The following TENM1 variants were observed in gnomAD, a reference collection of about 807,000 sequenced individuals.
TENM1 encodes teneurin transmembrane protein 1, also known as teneurin-1.
TENM1 carries 35 observed loss-of-function variants against 174.8 expected under a neutral mutation model. The ratio of observed to expected loss-of-function variants is 0.20; its 90% confidence interval spans 0.15 to 0.27. The LOEUF (loss-of-function observed/expected upper bound fraction) is 0.27. Ranked by LOEUF, TENM1 falls within the 10% of genes least tolerant of loss-of-function variation. TENM1 has a pLI of 1.00. For missense variants in TENM1, 1,633 were observed against 2,130.1 expected, an observed-to-expected ratio of 0.77 and a Z score of 4.59; for synonymous variants, 781 against 798.7, an observed-to-expected ratio of 0.98 and a Z score of 0.37.
chrX:124,887,299 A>G (rs747367038), intron 3 of TENM1, among the ~76,000 whole-genome samples: 8 of 111,370 alleles, frequency 7.2e-5, no homozygotes, highest in African/African-American at 2.6e-4. Flanking sequence ...GATTTGTACT[A>G]CAAATATGGG....
chrX:124,961,026 A>G (rs1455993107), intron 1 of TENM1, among the ~76,000 whole-genome samples: 2 of 112,167 alleles, frequency 1.8e-5, no homozygotes, highest in Non-Finnish European at 3.8e-5. Context: ...AGTTAACATC[A>G]CAAATATTTA....
At chrX:124,403,156 C>CA (rs1314027758) in intron 27 of TENM1, among the ~76,000 whole-genome samples, 1 of 110,239 alleles carries the variant, frequency 9.1e-6, no homozygotes, top group Non-Finnish European at 1.9e-5. Context: ...AAAACCCAAA[C>CA]AAAACCAAAC....
Position 124,616,110 on chromosome X carries a change from G to A in TENM1, c.2077+25681C>T, listed in dbSNP as rs142984706. ...AAATGTTGCCTGCATGGCGCTACCAGCTCAGTTATTATATTGGATATCTGA... is the reference window on the plus strand; with the variant it reads ...AAATGTTGCCTGCATGGCGCTACCAACTCAGTTATTATATTGGATATCTGA... On this transcript the variant is annotated intron_variant, in intron 11 of 31. Coordinates refer to ENST00000422452, the Ensembl canonical transcript of TENM1. 1.8e-4 allele frequency among the ~76,000 whole-genome samples: 20 copies of A among 112,815 alleles called. No homozygotes were observed. The East Asian group carries it at 5.6e-3, about 32-fold the overall frequency.
chrX:124,382,963 T>TATTC, intron 30 of TENM1, 151 bp from the exon 34 acceptor site: 1 of 203,495 alleles, frequency 4.9e-6, no homozygotes, highest in Non-Finnish European at 7.8e-6. Context: ...TTTATTTATT[T>TATTC]ATTTATTTAT....
At chrX:124,610,845 A>C (rs766904003) in intron 11 of TENM1, among the ~76,000 whole-genome samples, 2 of 111,742 alleles carry the variant, frequency 1.8e-5, no homozygotes, top group African/African-American at 6.5e-5. Flanking sequence ...TTTATCTCCC[A>C]AACATGCTAG....
At chrX:125,175,393 C>T in the TENM1 span, among the ~76,000 whole-genome samples, 1 of 110,906 alleles carries the variant, frequency 9.0e-6, no homozygotes, top group Non-Finnish European at 1.9e-5. Flanking sequence ...ATACACAGTC[C>T]TCTTTAAAAT....
At chrX:124,747,149 C>CAATAAATA (rs201159170) in intron 3 of TENM1, among the ~76,000 whole-genome samples, 27 of 99,847 alleles carry the variant, frequency 2.7e-4, no homozygotes, top group African/African-American at 7.0e-4. Flanking sequence ...AAGACTATTT[C>CAATAAATA]AATAAATAAA....
At chrX:124,700,054 T>G (rs1256490532) in intron 5 of TENM1, among the ~76,000 whole-genome samples, 1 of 112,347 alleles carries the variant, frequency 8.9e-6, no homozygotes, top group Non-Finnish European at 1.9e-5. Context: ...TGAAATGCTT[T>G]TTAGCATTTT....
At chrX:124,446,776 T>A (rs2060969354) in intron 23 of TENM1, among the ~76,000 whole-genome samples, 2 of 112,690 alleles carry the variant, frequency 1.8e-5, no homozygotes, top group Admixed American at 1.9e-4. Context: ...AGTTGGTCCA[T>A]TTTCCTGGCT....
At chrX:125,154,728 C>A in the TENM1 span, among the ~76,000 whole-genome samples, 1 of 110,201 alleles carries the variant, frequency 9.1e-6, no homozygotes, top group South Asian at 4.0e-4. Context: ...CGGATGTGTT[C>A]GGAGTTTCTT....
intron 3 of TENM1, among the ~76,000 whole-genome samples, chrX:124,753,861 C>G (rs754659520): frequency 3.0e-4 from 34 of 111,597 alleles, no homozygotes; most frequent in Non-Finnish European, 4.5e-4. Context: ...GGTGGATAAG[C>G]TTTTTGATGT....
At chrX:124,818,334 C>G (rs1157787312) in intron 3 of TENM1, among the ~76,000 whole-genome samples, 2 of 111,842 alleles carry the variant, frequency 1.8e-5, no homozygotes, top group Non-Finnish European at 3.8e-5. Flanking sequence ...AGGCAAAATG[C>G]TATGTGCTGG....
At chrX:125,013,345 G>T in the TENM1 span, among the ~76,000 whole-genome samples, 1 of 111,652 alleles carries the variant, frequency 9.0e-6, no homozygotes, top group Non-Finnish European at 1.9e-5. Context: ...TATTGCTGCA[G>T]AAATTTTGTT....
chrX:124,993,717 A>G, the TENM1 span, among the ~76,000 whole-genome samples: 2 of 111,352 alleles, frequency 1.8e-5, no homozygotes, highest in Non-Finnish European at 3.8e-5. Flanking sequence ...CAAAAAGTTA[A>G]CAAAATTAGT....
chrX:124,962,381 A>G (rs759573193), intron 1 of TENM1, among the ~76,000 whole-genome samples: 9 of 111,895 alleles, frequency 8.0e-5, no homozygotes, highest in Non-Finnish European at 1.3e-4. Context: ...TTTCTGACTC[A>G]ATATGTCTAG....
intron 3 of TENM1, among the ~76,000 whole-genome samples, chrX:124,752,942 G>T (rs1398199941): frequency 1.8e-5 from 2 of 110,908 alleles, no homozygotes; most frequent in Admixed American, 1.9e-4. Flanking sequence ...CTCCAGCTTT[G>T]TTCTTTTGGC....
chrX:124,782,697 A>T (rs5958585), intron 3 of TENM1, among the ~76,000 whole-genome samples: 5,059 of 110,332 alleles, frequency 0.046, 189 homozygotes, highest in African/African-American at 0.12. Context: ...TAACACATTT[A>T]AAAAAATCTA....
intron 11 of TENM1, among the ~76,000 whole-genome samples, chrX:124,607,025 G>A (rs1257331740): frequency 1.8e-5 from 2 of 110,324 alleles, no homozygotes; most frequent in Non-Finnish European, 3.8e-5. Flanking sequence ...GGAGGACAAG[G>A]AGGAGGAGGA....
At chrX:124,846,426 C>A (rs1479971806) in intron 3 of TENM1, among the ~76,000 whole-genome samples, 1 of 111,128 alleles carries the variant, frequency 9.0e-6, no homozygotes. Flanking sequence ...GCAGGTTCCC[C>A]ATCAATACAA....
Sources: gnomAD v4.1 joint callset for allele counts (sites outside exome capture counted in the v4.1 genomes callset) on GRCh38, gnomAD v4.1.1 for gene constraint, MANE v1.5 for transcripts, NCBI Gene and HGNC (gene_info 2026-07-23, HGNC 2026-07-21) for gene names.